NAA35: variants seen among roughly 807,000 people sequenced by gnomAD.
NAA35 encodes the protein N-alpha-acetyltransferase 35, NatC auxiliary subunit.
In NAA35, 18 loss-of-function variants were observed where a neutral mutation model predicts 101.7. The observed-to-expected ratio is 0.18, with a 90% CI of 0.12 to 0.26. The LOEUF is 0.26. Ranked by LOEUF, NAA35 falls within the 10% of genes least tolerant of loss-of-function variation. The pLI is 1.00. For synonymous variants in NAA35, 267 were observed against 273.1 expected (o/e 0.98, Z 0.22); for missense variants, 601 against 886.8 (o/e 0.68, Z 4.09).
At chr9:86,019,527 CG>C (rs1415689072) in intron 21 of NAA35, among the ~76,000 whole-genome samples, 1 of 152,116 alleles carries the variant, frequency 6.6e-6, no homozygotes. Context: ...CAGTTATCAC[CG>C]GAACAACCTT....
At chr9:85,942,014 T>C in intron 1 of NAA35, 141 bp from the exon 2 acceptor site, 1 of 1,351,394 alleles carries the variant, frequency 7.4e-7, no homozygotes, top group Non-Finnish European at 9.9e-7. Context: ...TTCTTTGCAG[T>C]ACTGTCCTTA....
At chr9:85,966,527 A>C (rs1829749175) in intron 6 of NAA35, 7 of 779,118 alleles carry the variant, frequency 9.0e-6, no homozygotes, top group Non-Finnish European at 1.3e-5. Context: ...CAGGAAATAC[A>C]AATGAAAATG....
chr9:85,984,227 AT>A (rs1385215888), intron 11 of NAA35, among the ~76,000 whole-genome samples: 7 of 151,946 alleles, frequency 4.6e-5, no homozygotes, highest in Non-Finnish European at 8.8e-5. Context: ...TACTCGGGAG[AT>A]TGAAGTGGGA....
At chr9:85,991,606 G>A (rs1290684152) in intron 11 of NAA35, among the ~76,000 whole-genome samples, 1 of 152,084 alleles carries the variant, frequency 6.6e-6, no homozygotes, top group Admixed American at 6.5e-5. Flanking sequence ...GCCTGTTGTG[G>A]GGTATCAGAG....
At chr9:85,943,066 G>C (rs936520873) in intron 2 of NAA35, among the ~76,000 whole-genome samples, 3 of 152,088 alleles carry the variant, frequency 2.0e-5, no homozygotes, top group Non-Finnish European at 4.4e-5. Context: ...GCTCCGTGGG[G>C]GCAGAGATAA....
At chr9:86,017,700 CCTTT>C (rs1832297395) in intron 19 of NAA35, 135 bp downstream of exon 19, 2 of 717,344 alleles carry the variant, frequency 2.8e-6, no homozygotes, top group Non-Finnish European at 4.5e-6. Flanking sequence ...TTGAAGATTA[CCTTT>C]ATTATCATTA....
At chr9:85,953,971 A>G (rs1368643245) in intron 2 of NAA35, among the ~76,000 whole-genome samples, 1 of 152,200 alleles carries the variant, frequency 6.6e-6, no homozygotes, top group Non-Finnish European at 1.5e-5. Flanking sequence ...GATTGTGAAT[A>G]ATGCTACTGT....
chr9:85,990,570 A>AGAAT (rs1179397184), intron 11 of NAA35, among the ~76,000 whole-genome samples: 1 of 152,214 alleles, frequency 6.6e-6, no homozygotes, highest in Non-Finnish European at 1.5e-5. Flanking sequence ...AATACAGCAA[A>AGAAT]GAATGAATGA....
At chr9:86,000,529 C>G (rs547815239) in intron 12 of NAA35, among the ~76,000 whole-genome samples, 4 of 145,660 alleles carry the variant, frequency 2.7e-5, no homozygotes, top group Non-Finnish European at 6.1e-5. Flanking sequence ...ACGTCCTGGC[C>G]TTTTTTTTTT....
chr9:85,987,585 C>T (rs770680090), intron 11 of NAA35, among the ~76,000 whole-genome samples: 1 of 152,202 alleles, frequency 6.6e-6, no homozygotes. Flanking sequence ...CATACCCACA[C>T]ATGTGTGCTT....
intron 11 of NAA35, among the ~76,000 whole-genome samples, chr9:85,985,644 G>T (rs765289948): frequency 2.0e-5 from 3 of 152,094 alleles, no homozygotes; most frequent in Non-Finnish European, 2.9e-5. Flanking sequence ...CGTGGGTGAT[G>T]AAAATGTTCT....
At chr9:85,992,463 G>T (rs181650187) in intron 11 of NAA35, among the ~76,000 whole-genome samples, 1 of 152,214 alleles carries the variant, frequency 6.6e-6, no homozygotes, top group East Asian at 1.9e-4. Flanking sequence ...ACAATGAAGA[G>T]GCCTGTTGGA....
chr9:85,991,720 G>A (rs1249783749), intron 11 of NAA35, among the ~76,000 whole-genome samples: 1 of 152,072 alleles, frequency 6.6e-6, no homozygotes, highest in African/African-American at 2.4e-5. Flanking sequence ...ACTGAATGAT[G>A]GTCCCAAAGC....
chr9:85,979,782 G>T (rs560960667), intron 11 of NAA35, among the ~76,000 whole-genome samples: 1 of 152,204 alleles, frequency 6.6e-6, no homozygotes, highest in Non-Finnish European at 1.5e-5. Context: ...AGTGATAACT[G>T]TGTAGGTTTT....
At chr9:86,005,368 C>T (rs116021297) in intron 13 of NAA35, among the ~76,000 whole-genome samples, 1 of 152,196 alleles carries the variant, frequency 6.6e-6, no homozygotes, top group African/African-American at 2.4e-5. Flanking sequence ...ACAAAAATAC[C>T]TTACAGCTAA....
At chr9:85,998,819 A>T (rs150980120) in intron 12 of NAA35, among the ~76,000 whole-genome samples, 5 of 152,318 alleles carry the variant, frequency 3.3e-5, no homozygotes, top group Admixed American at 1.3e-4. Flanking sequence ...TACCTTACAC[A>T]CTGAGGTGTG....
At chr9:86,015,513 C>A (rs1832164885) in intron 17 of NAA35, 1 of 153,922 alleles carries the variant, frequency 6.5e-6, no homozygotes, top group South Asian at 2.1e-4. Context: ...TGCATTAATA[C>A]ACAAATTTTT....
intron 1 of NAA35, 158 bp downstream of exon 1, chr9:85,941,431 C>T (rs1366326017): frequency 4.1e-6 from 4 of 985,260 alleles, no homozygotes. Context: ...TCCCCAGTGC[C>T]CGCTGTCGGC....
intron 2 of NAA35, among the ~76,000 whole-genome samples, chr9:85,952,369 T>A (rs749657458): frequency 4.0e-5 from 6 of 151,744 alleles, no homozygotes; most frequent in Non-Finnish European, 7.4e-5. Flanking sequence ...CACTACAACT[T>A]CTACCTCCTG....
Sources: gnomAD v4.1 joint callset for allele counts (sites outside exome capture counted in the v4.1 genomes callset) on GRCh38, gnomAD v4.1.1 for gene constraint, MANE v1.5 for transcripts, NCBI Gene and HGNC (gene_info 2026-07-23, HGNC 2026-07-21) for gene names.